The following ASH2L variants were observed in gnomAD, a reference collection of about 807,000 sequenced individuals.
ASH2L encodes set1/Ash2 histone methyltransferase complex subunit ASH2.
A neutral mutation model predicts 81.1 loss-of-function variants in ASH2L; 30 were observed. That is an observed-to-expected ratio of 0.37 (90% CI 0.28 to 0.50). The LOEUF is 0.50. Among genes scored for constraint, ASH2L ranks in the 20% least tolerant of loss-of-function variants. ASH2L has a pLI of 0.95. For missense variants in ASH2L, 559 were observed against 792.1 expected, an observed-to-expected ratio of 0.71 and a Z score of 3.53; for synonymous variants, 273 against 279.9, an observed-to-expected ratio of 0.98 and a Z score of 0.24.
At chr8:38,122,468 G>T (rs1801665322) in intron 10 of ASH2L, 1 of 152,000 alleles carries the variant, frequency 6.6e-6, no homozygotes, top group Admixed American at 6.6e-5. Flanking sequence ...TTTGTGAAGC[G>T]TTCCTTATTT....
upstream of ASH2L, chr8:38,105,497 G>A (rs977355514): frequency 8.8e-6 from 13 of 1,475,228 alleles, no homozygotes; most frequent in South Asian, 1.3e-5. Context: ...GCGTCACACA[G>A]CAACGCGCGC....
chr8:38,136,324 C>T (rs1252022236), intron 14 of ASH2L, among the ~76,000 whole-genome samples: 2 of 150,546 alleles, frequency 1.3e-5, no homozygotes, highest in African/African-American at 4.9e-5. Flanking sequence ...CCCAGCTCAG[C>T]CTCCCAAAGT....
At chr8:38,133,674 A>G in intron 13 of ASH2L, 128 bp downstream of exon 13, 2 of 681,880 alleles carry the variant, frequency 2.9e-6, no homozygotes, top group East Asian at 5.4e-5. Flanking sequence ...CCCACTGGCC[A>G]GCGGCAAGCT....
intron 8 of ASH2L, among the ~76,000 whole-genome samples, chr8:38,118,013 C>G (rs1478470314): frequency 6.6e-6 from 1 of 152,134 alleles, no homozygotes; most frequent in Non-Finnish European, 1.5e-5. Flanking sequence ...GAGCCGAGAT[C>G]GTGCCACTGC....
intron 8 of ASH2L, chr8:38,117,418 T>G: frequency 2.0e-6 from 2 of 984,510 alleles, no homozygotes; most frequent in Non-Finnish European, 2.4e-6. Context: ...TGTTAAAATT[T>G]GACAAATACA....
At chr8:38,113,113 C>T (rs574866893) in intron 5 of ASH2L, among the ~76,000 whole-genome samples, 2 of 152,098 alleles carry the variant, frequency 1.3e-5, no homozygotes, top group South Asian at 4.2e-4. Flanking sequence ...GGACTACTGG[C>T]GCATGCCACC....
At chr8:38,106,074 C>T (rs759676596) in intron 1 of ASH2L, 3 of 1,524,532 alleles carry the variant, frequency 2.0e-6, no homozygotes, top group South Asian at 2.4e-5. Flanking sequence ...AAGTAACGGT[C>T]ACTCTGAAAA....
At chr8:38,135,414 A>T (rs1802212844) in intron 13 of ASH2L, among the ~76,000 whole-genome samples, 1 of 152,046 alleles carries the variant, frequency 6.6e-6, no homozygotes, top group Non-Finnish European at 1.5e-5. Context: ...ACACCACTGC[A>T]CTCCAGCCTG....
intron 12 of ASH2L, among the ~76,000 whole-genome samples, chr8:38,133,001 C>T (rs944047660): frequency 3.3e-5 from 5 of 151,786 alleles, no homozygotes; most frequent in Non-Finnish European, 7.4e-5. Context: ...GCAGGAGAAT[C>T]GCTTGAACCC....
intron 3 of ASH2L, among the ~76,000 whole-genome samples, chr8:38,108,849 AC>A (rs1810564814): frequency 6.6e-6 from 1 of 152,100 alleles, no homozygotes; most frequent in African/African-American, 2.4e-5. Flanking sequence ...GGAGGCCGAG[AC>A]AGGAGAATGA....
Position 38,128,805 on chromosome 8 carries a change from C to T in ASH2L, c.1381C>T (p.Arg461Trp), listed in dbSNP as rs1183153786. Reference sequence around the variant, plus strand: ...TTATGATAAATTTAGCTATTCTTGGCGGAGCAAAAAGGGAACCAAGTTCCA... The same window carrying T: ...TTATGATAAATTTAGCTATTCTTGGTGGAGCAAAAAGGGAACCAAGTTCCA... ...LGYDKFSYSW[R>W]SKKGTKFHQS... The change falls in exon 12 of 16, where the codon CGG (arginine) becomes TGG (tryptophan). Residue 461 changes from arginine (R) to tryptophan (W), a missense_variant. Transcript: ENST00000343823. The T allele has an allele frequency of 6.2e-7, 1 of 1,613,820 alleles. No individual in the cohort carries two copies. Among genetic ancestry groups the T allele is most frequent in the African/African-American group, 1.3e-5 (1 of 74,884 alleles).
intron 12 of ASH2L, among the ~76,000 whole-genome samples, chr8:38,131,972 C>T (rs919591732): frequency 2.6e-5 from 4 of 152,156 alleles, no homozygotes; most frequent in African/African-American, 9.7e-5. Flanking sequence ...CTTCAGCCTC[C>T]TGAGCAGCCA....
intron 12 of ASH2L, among the ~76,000 whole-genome samples, chr8:38,131,216 C>G (rs1802047625): frequency 6.6e-6 from 1 of 152,138 alleles, no homozygotes; most frequent in African/African-American, 2.4e-5. Flanking sequence ...TTGTACCATC[C>G]TGCCTCCCGG....
chr8:38,127,214 G>A (rs1050655682), intron 10 of ASH2L, among the ~76,000 whole-genome samples: 1 of 150,166 alleles, frequency 6.7e-6, no homozygotes, highest in African/African-American at 2.5e-5. Context: ...GCTCATACCT[G>A]TAATCCTGGC....
intron 10 of ASH2L, among the ~76,000 whole-genome samples, chr8:38,127,978 G>A (rs1161561134): frequency 6.6e-6 from 1 of 152,016 alleles, no homozygotes; most frequent in African/African-American, 2.4e-5. Flanking sequence ...CCCGGGAGGT[G>A]GAGGTTGCAG....
chr8:38,110,890 A>C, intron 5 of ASH2L, 57 bp downstream of exon 5: 1 of 1,362,018 alleles, frequency 7.3e-7, no homozygotes, highest in Non-Finnish European at 1.0e-6. Flanking sequence ...GGAACTTCTA[A>C]ATATACTCCC....
intron 3 of ASH2L, 75 bp from the exon 4 acceptor site, chr8:38,110,304 C>A: frequency 1.8e-6 from 2 of 1,140,130 alleles, no homozygotes; most frequent in South Asian, 2.5e-5. Flanking sequence ...AGAGTGAGAG[C>A]CTGTCTTTAA....
intron 14 of ASH2L, among the ~76,000 whole-genome samples, chr8:38,136,207 C>T (rs1264657077): frequency 6.7e-6 from 1 of 149,976 alleles, no homozygotes; most frequent in Non-Finnish European, 1.5e-5. Flanking sequence ...CCACCTCAGC[C>T]TCCTGAGTAG....
At chr8:38,108,110 A>C (rs908552647) in intron 3 of ASH2L, among the ~76,000 whole-genome samples, 2 of 151,966 alleles carry the variant, frequency 1.3e-5, no homozygotes, top group African/African-American at 4.8e-5. Flanking sequence ...TTCCTTTATA[A>C]TCTGTTGTAT....
Sources: gnomAD v4.1 joint callset for allele counts (sites outside exome capture counted in the v4.1 genomes callset) on GRCh38, gnomAD v4.1.1 for gene constraint, MANE v1.5 for transcripts, NCBI Gene and HGNC (gene_info 2026-07-23, HGNC 2026-07-21) for gene names.